Variants in CNTLN observed in about 807,000 individuals in gnomAD.
CNTLN encodes the protein centlein, centrosomal protein.
CNTLN carries 212 observed loss-of-function variants against 180.0 expected under a neutral mutation model. The ratio of observed to expected loss-of-function variants is 1.18; its 90% CI spans 1.05 to 1.32. The LOEUF (loss-of-function observed/expected upper bound fraction) is 1.32, where lower values mean the gene tolerates loss of function less well. CNTLN is among the 40% of genes most tolerant of loss of function. CNTLN has a pLI of 0.00. For synonymous variants in CNTLN, 722 were observed against 563.1 expected (o/e 1.28, Z -3.99); for missense variants, 2,095 against 1,610.9 (o/e 1.30, Z -5.14).
At chr9:17,312,343 T>TTATATATATA (rs1225851796) in intron 8 of CNTLN, among the ~76,000 whole-genome samples, 3 of 30,372 alleles carry the variant, frequency 9.9e-5, no homozygotes, top group African/African-American at 1.8e-4. Context: ...ATTACTGTAT[T>TTATATATATA]TATATATATA....
intron 15 of CNTLN, 40 bp downstream of exon 15, chr9:17,395,109 G>T: frequency 1.3e-6 from 2 of 1,546,048 alleles, no homozygotes; most frequent in South Asian, 2.5e-5. Flanking sequence ...TGGGGACACT[G>T]CGCATATGTA....
chr9:17,519,558 G>C, the CNTLN span, among the ~76,000 whole-genome samples: 10 of 152,182 alleles, frequency 6.6e-5, no homozygotes, highest in Admixed American at 1.3e-4. Flanking sequence ...AGATTGAACT[G>C]TTGTAAATAC....
At chr9:17,248,874 A>G (rs142563022) in intron 5 of CNTLN, among the ~76,000 whole-genome samples, 1 of 151,964 alleles carries the variant, frequency 6.6e-6, no homozygotes, top group East Asian at 1.9e-4. Context: ...AATTCTTTTT[A>G]TTATCTTATA....
At chr9:17,229,351 T>C (rs1272385847) in intron 3 of CNTLN, among the ~76,000 whole-genome samples, 1 of 152,108 alleles carries the variant, frequency 6.6e-6, no homozygotes, top group African/African-American at 2.4e-5. Flanking sequence ...TAAGAGATCA[T>C]TGAATTCTGA....
rs1587510375 is a variant in CNTLN at position 17,289,580 on chromosome 9, C to G, written c.984-8610C>G. On this transcript the variant is annotated intron_variant, in intron 6 of 25. Coordinates refer to ENST00000380647, the MANE Select transcript of CNTLN (RefSeq NM_017738.4). ...TGCCTTGCTAGATTGGGGAAGTTCT[C>G]CTGGATAATATCCTGCAGAGTGTTT... 1.5e-5 allele frequency among the ~76,000 whole-genome samples: 2 copies of G among 133,960 alleles called. 1 individual carries two copies. Among genetic ancestry groups the G allele is most frequent in the Non-Finnish European group, 3.1e-5 (2 of 64,738 alleles). 87.9% of individuals were successfully genotyped at this position (133,960 alleles called of 152,430 possible).
chr9:17,326,607 A>G (rs1464335434), intron 8 of CNTLN, among the ~76,000 whole-genome samples: 1 of 152,156 alleles, frequency 6.6e-6, no homozygotes, highest in East Asian at 1.9e-4. Context: ...GGCTGGGGAG[A>G]AAAGAGTAGC....
chr9:17,332,441 C>T (rs1000322041), intron 9 of CNTLN, among the ~76,000 whole-genome samples, 164 bp from the exon 10 acceptor site: 3 of 151,680 alleles, frequency 2.0e-5, no homozygotes, highest in African/African-American at 7.3e-5. Context: ...TTAGCGGTAG[C>T]ACTGTGGTAA....
rs373729252 is a variant in CNTLN at position 17,258,566 on chromosome 9, G to A, written c.850-15167G>A. ...GGCATTGAATCTGTAAATTACCTTG[G>A]GCAGTATGGCCATTTTCACGATATT... On this transcript the variant is annotated intron_variant, in intron 5 of 25. Coordinates refer to ENST00000380647, the MANE Select transcript of CNTLN (RefSeq NM_017738.4). Among the ~76,000 whole-genome samples, 4 of 150,850 alleles carry A rather than the reference G, an allele frequency of 2.7e-5. No homozygotes were observed. The East Asian group carries it at 7.7e-4, about 29-fold the overall frequency.
chr9:17,510,664 C>A, the CNTLN span, among the ~76,000 whole-genome samples: 1,076 of 152,314 alleles, frequency 7.1e-3, 6 homozygotes, highest in East Asian at 0.011. Context: ...TTGGCTCTTT[C>A]TGGGTCTCCA....
chr9:17,315,715 A>C (rs1371174692), intron 8 of CNTLN, among the ~76,000 whole-genome samples: 1 of 151,940 alleles, frequency 6.6e-6, no homozygotes, highest in Non-Finnish European at 1.5e-5. Flanking sequence ...CCTTGAGTTC[A>C]CACATTCTCT....
chr9:17,316,955 T>A (rs1819579381), intron 8 of CNTLN, among the ~76,000 whole-genome samples: 1 of 152,142 alleles, frequency 6.6e-6, no homozygotes, highest in Admixed American at 6.5e-5. Context: ...TGTCACAAAT[T>A]ACATCTTTAT....
intron 18 of CNTLN, chr9:17,444,243 T>C (rs2134064758): frequency 6.6e-6 from 1 of 152,314 alleles, no homozygotes. Flanking sequence ...GTATTGGCCA[T>C]GTGGTAAGCC....
At chr9:17,445,243 A>G (rs1463663778) in intron 18 of CNTLN, among the ~76,000 whole-genome samples, 1 of 152,130 alleles carries the variant, frequency 6.6e-6, no homozygotes, top group Non-Finnish European at 1.5e-5. Context: ...TGCTGCTGTT[A>G]AATTTGTAAT....
chr9:17,239,033 G>A (rs1261437345), intron 5 of CNTLN, among the ~76,000 whole-genome samples: 3 of 152,064 alleles, frequency 2.0e-5, no homozygotes, highest in South Asian at 4.1e-4. Context: ...TCTCATTATG[G>A]TTTTTTATTT....
chr9:17,440,579 A>G (rs1478251542), intron 18 of CNTLN, among the ~76,000 whole-genome samples: 1 of 130,288 alleles, frequency 7.7e-6, no homozygotes, highest in Non-Finnish European at 1.7e-5. Flanking sequence ...ACGGAGCGAG[A>G]CTCCGTCTCA....
intron 18 of CNTLN, among the ~76,000 whole-genome samples, chr9:17,420,259 G>A (rs763401835): frequency 3.9e-5 from 6 of 152,074 alleles, no homozygotes; most frequent in Non-Finnish European, 7.4e-5. Context: ...ATTGGTCTGT[G>A]CAGGTTTTGG....
At position 17,357,743 on chromosome 9, in the gene CNTLN, C is replaced by T. The variant is rs139808500; in HGVS notation, c.1887-8874C>T. Among the ~76,000 whole-genome samples the T allele has an allele frequency of 2.9e-3, 442 of 151,312 alleles. 4 individuals are homozygous for T. Among genetic ancestry groups the T allele is most frequent in the African/African-American group, 0.01 (419 of 41,444 alleles). ...TACTTTCCATAAGTCAATTTTGTCA[C>T]ACGAACTCATTCTATTTGATAGTAT... On this transcript the variant is annotated intron_variant, in intron 12 of 25. Transcript: ENST00000380647.
At position 17,152,577 on chromosome 9, in the gene CNTLN, C is replaced by G. The variant is rs1015742458; in HGVS notation, c.449+9201C>G. On this transcript the variant is annotated intron_variant, in intron 2 of 25. Transcript: ENST00000380647. ...CATTTGCTGAGTAGTGTTTTACTTG[C>G]AATTATATGGTCAATTTTAGAATAA... 3.9e-5 allele frequency among the ~76,000 whole-genome samples: 6 copies of G among 152,056 alleles called. 1 individual carries two copies. The South Asian group carries it at 1.2e-3, about 31-fold the overall frequency.
intron 5 of CNTLN, among the ~76,000 whole-genome samples, chr9:17,269,314 T>C (rs966224897): frequency 1.3e-5 from 2 of 152,214 alleles, no homozygotes; most frequent in Non-Finnish European, 2.9e-5. Context: ...TTTGGTTCAA[T>C]TTGTTCTTCT....
Sources: allele counts gnomAD v4.1 joint callset (sites outside exome capture counted in the v4.1 genomes callset), GRCh38; gene constraint gnomAD v4.1.1; transcripts MANE v1.5; gene names NCBI Gene and HGNC (gene_info 2026-07-23, HGNC 2026-07-21).